Variants in DISP3 observed in about 807,000 individuals in gnomAD.
DISP3 encodes the protein dispatched RND transporter family member 3.
A neutral mutation model predicts 135.3 loss-of-function variants in DISP3; 101 were observed. The observed-to-expected ratio is 0.75, with a 90% confidence interval of 0.64 to 0.88. The LOEUF is 0.88. DISP3 is among the 40% of genes least tolerant of loss of function. The pLI is 0.00. For synonymous variants in DISP3, 856 were observed against 817.0 expected, an observed-to-expected ratio of 1.05 and a Z score of -0.81; for missense variants, 1,713 against 1,878.6, an observed-to-expected ratio of 0.91 and a Z score of 1.63.
chr1:11,526,860 G>GGTGC, intron 13 of DISP3, 25 bp downstream of exon 13: 1 of 1,587,174 alleles, frequency 6.3e-7, no homozygotes, highest in South Asian at 1.1e-5. Flanking sequence ...CAGACAAGCC[G>GGTGC]GTGCCCATCA....
intron 17 of DISP3, among the ~76,000 whole-genome samples, chr1:11,533,516 C>T (rs1466317433): frequency 2.0e-5 from 3 of 152,144 alleles, no homozygotes; most frequent in Non-Finnish European, 4.4e-5. Flanking sequence ...CTCAGCCTCC[C>T]AAAGTGCGGG....
intron 1 of DISP3, among the ~76,000 whole-genome samples, chr1:11,498,610 G>A (rs1641409614): frequency 6.6e-6 from 1 of 152,180 alleles, no homozygotes; most frequent in Non-Finnish European, 1.5e-5. Flanking sequence ...GTCACATCAT[G>A]AGATAAGCAT....
rs367790792 is a variant in DISP3, at chr1:11,531,063, C to G, written c.3229+30C>G. ...GTGGGGTGTGGGGAGCTGGTTCCTC[C>G]GAGGGAGGATGGACTGACTGGGGAG... is the stretch of plus-strand genomic sequence containing the variant. On this transcript the variant is annotated intron_variant, in intron 16 of 20. Transcript: ENST00000294484. This position sits in a 1 kb window ranked among gnomAD's most constrained non-coding sequence, Gnocchi z 5.2. 5.0e-6 allele frequency: 8 copies of G among 1,610,564 alleles called. No homozygotes were observed. Among genetic ancestry groups the G allele is most frequent in the African/African-American group, 2.7e-5 (2 of 74,866 alleles).
chr1:11,486,184 A>C (rs1641031599), intron 1 of DISP3, among the ~76,000 whole-genome samples: 1 of 152,150 alleles, frequency 6.6e-6, no homozygotes. Context: ...CCTTCCATGT[A>C]GACACAGCTG....
intron 10 of DISP3, among the ~76,000 whole-genome samples, chr1:11,522,561 GA>G (rs1642231227): frequency 3.5e-5 from 5 of 142,348 alleles, no homozygotes; most frequent in South Asian, 2.3e-4. Flanking sequence ...GACCCAGCCA[GA>G]GCCCAGCCAG....
chr1:11,502,948 A>C (rs755395398), intron 3 of DISP3, 51 bp downstream of exon 3: 2 of 1,468,286 alleles, frequency 1.4e-6, no homozygotes, highest in African/African-American at 2.8e-5. Flanking sequence ...TTGATTTCCA[A>C]TTGCCTCTTA....
chr1:11,502,915 A>T lies in DISP3; in HGVS notation c.1316+18A>T, dbSNP rs760602074. 1 of 1,594,794 alleles carries T rather than the reference A, an allele frequency of 6.3e-7. No homozygotes were observed. The highest frequency in any genetic ancestry group is 8.6e-7 in the Non-Finnish European group (1 of 1,166,082). ...TCTACCAGGTAGGAAGTCCAGCTGC[A>T]TCCTGTGTGTGCATGCCCATTTTTG... On this transcript the variant is annotated intron_variant, in intron 3 of 20. Coordinates refer to ENST00000294484, the MANE Select transcript of DISP3 (RefSeq NM_020780.2).
At position 11,534,412 on chromosome 1, in the gene DISP3, C is replaced by T. The variant is rs1039544404; in HGVS notation, c.3407C>T (p.Thr1136Ile). The change falls in exon 18 of 21, where the codon ACC becomes ATC. Residue 1136 changes from threonine (T) to isoleucine (I), a missense_variant. Thr to Ile is a moderately conservative substitution (Grantham distance 89). Around this residue, in one of 2 missense-constraint regions of DISP3, gnomAD observed 1,142 missense variants for 1,384.6 expected, o/e 0.82. Transcript: ENST00000294484. ...TTYKGKSSFQ[T>I]YSDYLRWESF... ...TACAAGGGCAAATCCTCCTTCCAGA[C>T]CTACTCGGACTACCTGCGCTGGGAG... 1 of 1,614,264 alleles carries T rather than the reference C, an allele frequency of 6.2e-7. No individual in the cohort carries two copies. Among genetic ancestry groups the T allele is most frequent in the African/African-American group, 1.3e-5 (1 of 75,074 alleles).
chr1:11,523,685 G>A (rs903299003), intron 10 of DISP3, among the ~76,000 whole-genome samples: 2 of 151,976 alleles, frequency 1.3e-5, no homozygotes, highest in African/African-American at 2.4e-5. Flanking sequence ...CAGAGAGGGC[G>A]AGCAGGGAGC....
chr1:11,530,962 G>C lies in DISP3; in HGVS notation c.3158G>C (p.Cys1053Ser), dbSNP rs1642561418. Residue 1053 changes from cysteine to serine, a missense_variant, in exon 16 of 21, where the codon TGT becomes TCT. Cys to Ser is a moderately radical substitution (Grantham distance 112, BLOSUM62 -1). Around this residue, in one of 2 missense-constraint regions of DISP3, gnomAD observed 1,142 missense variants for 1,384.6 expected, o/e 0.82. Transcript: ENST00000294484. ...CTCTTCAAGGAAATTGGGCACCTGT[G>C]TCACCTCTGCAAGGCCATCGCAGCC... ...FDLFKEIGHL[C>S]HLCKAIAANS... 1 of 1,614,076 alleles carries C rather than the reference G, an allele frequency of 6.2e-7. No homozygotes were observed. The highest frequency in any genetic ancestry group is 1.1e-5 in the South Asian group (1 of 91,090).
At chr1:11,535,789 A>G (rs1642693856) in intron 20 of DISP3, 145 bp downstream of exon 20, 1 of 1,113,910 alleles carries the variant, frequency 9.0e-7, no homozygotes, top group East Asian at 2.6e-5. Context: ...AGGTTTCCCA[A>G]AGCTGATCCC....
At position 11,491,275 on chromosome 1, in the gene DISP3, C is replaced by T. The variant is rs1204463463; in HGVS notation, c.-3-9715C>T. Reference sequence around the variant, plus strand: ...GGGGTTTTCCAAGAATGCTTCTGGACCGCCTGTATCAGAATCACCTGGGGA... The same window carrying T: ...GGGGTTTTCCAAGAATGCTTCTGGATCGCCTGTATCAGAATCACCTGGGGA... On this transcript the variant is annotated intron_variant, in intron 1 of 20. Transcript: ENST00000294484. This position sits in a 1 kb window ranked among gnomAD's most constrained non-coding sequence, Gnocchi z 4.3. Among the ~76,000 whole-genome samples the T allele has an allele frequency of 6.6e-6, 1 of 152,114 alleles. No individual in the cohort carries two copies. Among genetic ancestry groups the T allele is most frequent in the Non-Finnish European group, 1.5e-5 (1 of 68,034 alleles).
chr1:11,492,053 C>T (rs1402305851), intron 1 of DISP3, among the ~76,000 whole-genome samples: 3 of 130,984 alleles, frequency 2.3e-5, no homozygotes, highest in Non-Finnish European at 4.7e-5. Flanking sequence ...ACCCGGGAGG[C>T]GGAGCTTGCA....
At position 11,535,494 on chromosome 1, in the gene DISP3, G is replaced by A. The variant is rs764192708; in HGVS notation, c.3666G>A (p.Val1222=). 5.2e-5 allele frequency: 84 copies of A among 1,611,466 alleles called. No individual in the cohort carries two copies. The highest frequency in any genetic ancestry group is 6.8e-5 in the Non-Finnish European group (80 of 1,179,038). The change falls in exon 20 of 21, where the codon GTG becomes GTA. Residue 1222 remains valine (V), a synonymous_variant. Coordinates refer to ENST00000294484, the MANE Select transcript of DISP3 (RefSeq NM_020780.2). ...TCCTTGCAGGCATCGTGTGCCTGGTGGTGACCATCATGTACTGGAGCGGCT... is the reference window on the plus strand; with the variant it reads ...TCCTTGCAGGCATCGTGTGCCTGGTAGTGACCATCATGTACTGGAGCGGCT... ...LLSILGIVCL[V]VTIMYWSGWE... is the part of the protein sequence containing the mutation.
intron 18 of DISP3, 141 bp downstream of exon 18, chr1:11,534,681 C>A: frequency 8.5e-7 from 1 of 1,181,598 alleles, no homozygotes; most frequent in Non-Finnish European, 1.2e-6. Context: ...GTGGCTGGGA[C>A]ATTGATCAGA....
At chr1:11,480,062 C>T (rs1403671198) in intron 1 of DISP3, among the ~76,000 whole-genome samples, 1 of 152,090 alleles carries the variant, frequency 6.6e-6, no homozygotes, top group East Asian at 1.9e-4. Context: ...GCGCAAGGGG[C>T]GCCAAGTCCC....
rs1469910906 is a variant in DISP3 at position 11,536,722 on chromosome 1, C to A, written c.*36C>A. The stretch of plus-strand genomic sequence containing the variant: ...GCTCTGGACACTTGCACCTTTGGTC[C>A]CATGGGTGGGGGACAGGAGCTGCTT... On this transcript the variant is annotated 3_prime_UTR_variant, in exon 21 of 21. Coordinates refer to ENST00000294484, the MANE Select transcript of DISP3 (RefSeq NM_020780.2). This position sits in a 1 kb window ranked among gnomAD's most constrained non-coding sequence, Gnocchi z 4.3. 4 of 1,486,964 alleles carry A rather than the reference C, an allele frequency of 2.7e-6. No homozygotes were observed. The African/African-American group carries it at 4.2e-5, about 16-fold the overall frequency. 92.1% of individuals were successfully genotyped at this position (1,486,964 alleles called of 1,614,324 possible).
intron 3 of DISP3, among the ~76,000 whole-genome samples, chr1:11,507,152 G>A (rs999994222): frequency 4.6e-5 from 7 of 152,146 alleles, no homozygotes; most frequent in African/African-American, 1.7e-4. Flanking sequence ...TTCCTCCAGA[G>A]AAAATTTATC....
At chr1:11,495,840 G>T (rs534416616) in intron 1 of DISP3, among the ~76,000 whole-genome samples, 1 of 152,248 alleles carries the variant, frequency 6.6e-6, no homozygotes, top group South Asian at 2.1e-4. Context: ...ACTCTCCTTG[G>T]TTTCTCTCCT....
Sources: allele counts gnomAD v4.1 joint callset (sites outside exome capture counted in the v4.1 genomes callset), GRCh38; gene constraint gnomAD v4.1.1; regional missense constraint gnomAD v4.1.1; non-coding constraint Gnocchi (gnomAD v3.1); transcripts MANE v1.5; gene names NCBI Gene and HGNC (gene_info 2026-07-23, HGNC 2026-07-21).